Variants in CAMK1D observed in about 807,000 individuals in gnomAD.
CAMK1D encodes the protein calcium/calmodulin-dependent protein kinase type 1D.
Under a neutral mutation model 47.7 loss-of-function variants are expected in CAMK1D, and 9 were observed. The ratio of observed to expected loss-of-function variants is 0.19; its 90% CI spans 0.11 to 0.33. The LOEUF (loss-of-function observed/expected upper bound fraction) is 0.33. Among genes scored for constraint, CAMK1D ranks in the 10% least tolerant of loss-of-function variants. The probability of loss-of-function intolerance (pLI) is 1.00; values close to 1 mark genes in which losing one functional copy is unlikely to be tolerated. For synonymous variants in CAMK1D, 184 were observed against 184.9 expected, an observed-to-expected ratio of 0.99 and a Z score of 0.04; for missense variants, 291 against 488.7, an observed-to-expected ratio of 0.60 and a Z score of 3.81.
chr10:12,561,199 G>T (rs1836932662), intron 2 of CAMK1D, among the ~76,000 whole-genome samples: 1 of 152,166 alleles, frequency 6.6e-6, no homozygotes, highest in Non-Finnish European at 1.5e-5. Context: ...TTACAGGCGT[G>T]ATTTCAAATA....
At chr10:12,533,897 C>T (rs1363772555) in intron 1 of CAMK1D, among the ~76,000 whole-genome samples, 1 of 152,182 alleles carries the variant, frequency 6.6e-6, no homozygotes, top group Non-Finnish European at 1.5e-5. Flanking sequence ...ACGTCATCCT[C>T]AAGGTCACAA....
chr10:12,690,513 T>C (rs945051969), intron 3 of CAMK1D, among the ~76,000 whole-genome samples: 3 of 152,296 alleles, frequency 2.0e-5, no homozygotes, highest in East Asian at 3.9e-4. Context: ...CAAGTGCCTG[T>C]GTAGTAGATA....
At chr10:12,624,995 TTCCTCCTCC>T (rs57078350) in intron 2 of CAMK1D, among the ~76,000 whole-genome samples, 20,521 of 148,348 alleles carry the variant, frequency 0.14, 1,634 homozygotes, top group Middle Eastern at 0.24. Flanking sequence ...TTCCTCCTCT[TTCCTCCTCC>T]TCCTCCTCCT....
chr10:12,501,805 AG>A lies in CAMK1D; in HGVS notation c.93-51419del, dbSNP rs1834713384. ...CCACCCTAAAGTATTATACAGCCTG[AG>A]TGTCAGGGGTGCTTGGGTTAAGAAC... On this transcript the variant is annotated intron_variant, in intron 1 of 10. Coordinates refer to ENST00000619168, the MANE Select transcript of CAMK1D (RefSeq NM_153498.4). Among the ~76,000 whole-genome samples the A allele has an allele frequency of 2.6e-5, 4 of 151,958 alleles. No individual in the cohort carries two copies. The East Asian group carries it at 7.7e-4, about 29-fold the overall frequency.
At chr10:12,814,339 G>T (rs375540106) in intron 7 of CAMK1D, 32 bp downstream of exon 7, 1 of 1,420,030 alleles carries the variant, frequency 7.0e-7, no homozygotes, top group Admixed American at 1.7e-5. Context: ...CCCAGTGGGC[G>T]GCCCCCGCGA....
At chr10:12,531,267 C>G (rs761343313) in intron 1 of CAMK1D, among the ~76,000 whole-genome samples, 14 of 152,122 alleles carry the variant, frequency 9.2e-5, no homozygotes, top group Non-Finnish European at 1.5e-4. Flanking sequence ...ACTTGTTTGT[C>G]TTCAGAAATA....
At chr10:12,812,197 C>A (rs1193641544) in intron 6 of CAMK1D, among the ~76,000 whole-genome samples, 2 of 152,232 alleles carry the variant, frequency 1.3e-5, no homozygotes, top group African/African-American at 4.8e-5. Flanking sequence ...ACAGCCTAAT[C>A]CCTCGCAGTC....
At chr10:12,770,451 G>C (rs1836988118) in intron 5 of CAMK1D, among the ~76,000 whole-genome samples, 1 of 152,182 alleles carries the variant, frequency 6.6e-6, no homozygotes, top group African/African-American at 2.4e-5. Flanking sequence ...ATTGTTCTGA[G>C]ACCTTCATTG....
chr10:12,731,778 G>A (rs187758154), intron 3 of CAMK1D, among the ~76,000 whole-genome samples: 19 of 152,322 alleles, frequency 1.2e-4, no homozygotes, highest in Non-Finnish European at 8.8e-5. Flanking sequence ...CGGAATCTGG[G>A]TGTTAGAAGG....
rs1428716127 is a variant in CAMK1D at position 12,672,901 on chromosome 10, T to TTTTTTTTTGTTTTTTTTTTTTTTTG, written c.299+6099_299+6100insGTTTTTTTTTTTTTTTGTTTTTTTT. Reference sequence around the variant, plus strand: ...AAGTTTTAGAATAGGCTTGCCTTTTTTTTTTTTTTTTTTTAGTCAGAGTTT... The same window carrying TTTTTTTTTGTTTTTTTTTTTTTTTG: ...AAGTTTTAGAATAGGCTTGCCTTTTTTTTTTTTTGTTTTTTTTTTTTTTTGTTTTTTTTTTTTTTAGTCAGAGTTT... On this transcript the variant is annotated intron_variant, in intron 3 of 10. Coordinates refer to ENST00000619168, the MANE Select transcript of CAMK1D (RefSeq NM_153498.4). 3.3e-3 allele frequency among the ~76,000 whole-genome samples: 478 copies of TTTTTTTTTGTTTTTTTTTTTTTTTG among 146,912 alleles called. 3 individuals are homozygous for TTTTTTTTTGTTTTTTTTTTTTTTTG. Among genetic ancestry groups the TTTTTTTTTGTTTTTTTTTTTTTTTG allele is most frequent in the South Asian group, 0.023 (100 of 4,292 alleles).
At chr10:12,721,612 A>G (rs1489638294) in intron 3 of CAMK1D, among the ~76,000 whole-genome samples, 2 of 152,234 alleles carry the variant, frequency 1.3e-5, no homozygotes, top group Non-Finnish European at 2.9e-5. Flanking sequence ...GGCATCAGGA[A>G]TATAGTAGTG....
At chr10:12,568,824 T>G (rs1045229985) in intron 2 of CAMK1D, among the ~76,000 whole-genome samples, 1 of 152,290 alleles carries the variant, frequency 6.6e-6, no homozygotes, top group Middle Eastern at 3.4e-3. Context: ...TGTTTCCTTA[T>G]GCAGATGTGC....
chr10:12,808,761 A>G (rs1832475380), intron 6 of CAMK1D, among the ~76,000 whole-genome samples: 1 of 151,780 alleles, frequency 6.6e-6, no homozygotes, highest in Admixed American at 6.6e-5. Flanking sequence ...CTGGGCAACA[A>G]GAGCGAAACT....
rs1836109417 is a variant in CAMK1D, at chr10:12,539,904, A to G, written c.93-13321A>G. ...GCTGTAGCTATGAGGAGATTTTGTAATCTCAAAAAGAGGTGAATTTTTTTA... is the reference window on the plus strand; with the variant it reads ...GCTGTAGCTATGAGGAGATTTTGTAGTCTCAAAAAGAGGTGAATTTTTTTA... On this transcript the variant is annotated intron_variant, in intron 1 of 10. Coordinates refer to ENST00000619168, the MANE Select transcript of CAMK1D (RefSeq NM_153498.4). Among the ~76,000 whole-genome samples the G allele has an allele frequency of 2.0e-5, 3 of 152,068 alleles. No homozygotes were observed. The South Asian group carries it at 6.2e-4, about 32-fold the overall frequency.
At chr10:12,638,416 C>T (rs1839573349) in intron 2 of CAMK1D, among the ~76,000 whole-genome samples, 1 of 152,212 alleles carries the variant, frequency 6.6e-6, no homozygotes, top group Admixed American at 6.5e-5. Flanking sequence ...ACCTGCTGTT[C>T]CCATTGCACT....
chr10:12,794,266 C>T (rs575152713), intron 6 of CAMK1D, among the ~76,000 whole-genome samples: 5 of 151,634 alleles, frequency 3.3e-5, no homozygotes, highest in East Asian at 1.9e-4. Context: ...ATAACTGTGT[C>T]GATGGTTAAG....
intron 8 of CAMK1D, 49 bp from the exon 9 acceptor site, chr10:12,824,416 C>G: frequency 2.0e-6 from 3 of 1,521,138 alleles, no homozygotes; most frequent in Non-Finnish European, 2.7e-6. Flanking sequence ...GACGCAGTGT[C>G]AGGGCCCAGA....
At chr10:12,767,046 G>C (rs1836798136) in intron 4 of CAMK1D, among the ~76,000 whole-genome samples, 2 of 152,202 alleles carry the variant, frequency 1.3e-5, no homozygotes, top group African/African-American at 4.8e-5. Flanking sequence ...TGAAGGGCAA[G>C]ATCTCTGGCC....
intron 5 of CAMK1D, among the ~76,000 whole-genome samples, chr10:12,777,860 A>C (rs1837328966): frequency 6.6e-6 from 1 of 152,224 alleles, no homozygotes; most frequent in Non-Finnish European, 1.5e-5. Flanking sequence ...AACCTTGAGC[A>C]AAGAAACTGC....
Sources: allele counts gnomAD v4.1 joint callset (sites outside exome capture counted in the v4.1 genomes callset), GRCh38; gene constraint gnomAD v4.1.1; transcripts MANE v1.5; gene names NCBI Gene and HGNC (gene_info 2026-07-23, HGNC 2026-07-21).